Variants in PPM1F observed in about 807,000 individuals in gnomAD.
PPM1F encodes protein phosphatase, Mg2+/Mn2+ dependent 1F.
A neutral mutation model predicts 35.5 loss-of-function variants in PPM1F; 17 were observed. That is an observed-to-expected ratio of 0.48 (90% confidence interval 0.33 to 0.72). The LOEUF is 0.72. Ranked by LOEUF, PPM1F falls within the 30% of genes least tolerant of loss-of-function variation. The pLI, the probability that PPM1F is intolerant of heterozygous loss-of-function variation, is 0.02. For missense variants in PPM1F, 521 were observed against 613.0 expected (o/e 0.85, Z 1.59); for synonymous variants, 241 against 255.5 (o/e 0.94, Z 0.54).
At chr22:21,929,953 C>T (rs2070569403) in intron 6 of PPM1F, among the ~76,000 whole-genome samples, 1 of 152,024 alleles carries the variant, frequency 6.6e-6, no homozygotes, top group Non-Finnish European at 1.5e-5. Flanking sequence ...TGGCAAAAGC[C>T]CATAAACAAA....
intron 6 of PPM1F, among the ~76,000 whole-genome samples, chr22:21,926,982 T>C (rs1045934418): frequency 2.6e-5 from 4 of 152,106 alleles, no homozygotes; most frequent in Admixed American, 2.6e-4. Flanking sequence ...GGGAATGACA[T>C]GGGTTTGCAG....
At chr22:21,942,166 G>A (rs529033511) in intron 2 of PPM1F, 1 of 152,438 alleles carries the variant, frequency 6.6e-6, no homozygotes, top group African/African-American at 2.4e-5. Context: ...ACTGGAAGGC[G>A]AGGACCTTCC....
At chr22:21,933,052 T>C (rs1203113040) in intron 5 of PPM1F, among the ~76,000 whole-genome samples, 2 of 152,218 alleles carry the variant, frequency 1.3e-5, no homozygotes, top group East Asian at 1.9e-4. Flanking sequence ...TAGTAGACTC[T>C]TTGTTAAGGT....
At chr22:21,932,676 C>T (rs889138526) in intron 5 of PPM1F, 3 of 152,168 alleles carry the variant, frequency 2.0e-5, no homozygotes, top group Admixed American at 1.3e-4. Context: ...CATTTGTATT[C>T]TTTCTTCTTT....
chr22:21,937,962 C>A lies in PPM1F; in HGVS notation c.355+1570G>T, dbSNP rs2070678757. On this transcript the variant is annotated intron_variant, in intron 3 of 7. Transcript: ENST00000263212. Reference sequence around the variant, plus strand: ...CAGTGGCAATTCTTATAATACAATCCCCACTCTGACGCAATTTTGTAAGAA... The same window carrying A: ...CAGTGGCAATTCTTATAATACAATCACCACTCTGACGCAATTTTGTAAGAA... 6.2e-6 allele frequency: 4 copies of A among 642,848 alleles called. 1 individual carries two copies. The South Asian group carries it at 7.4e-5, about 12-fold the overall frequency. The allele number at this position is 642,848 out of a possible 1,614,324, so 39.8% of individuals were successfully genotyped here.
At chr22:21,945,761 T>C (rs2070770231) in intron 2 of PPM1F, 82 bp downstream of exon 2, 1 of 1,411,184 alleles carries the variant, frequency 7.1e-7, no homozygotes, top group Admixed American at 1.9e-5. Context: ...GCTGGACGTG[T>C]AGGGGAGCAG....
intron 6 of PPM1F, among the ~76,000 whole-genome samples, chr22:21,930,198 G>A (rs1207585288): frequency 6.6e-6 from 1 of 152,202 alleles, no homozygotes; most frequent in African/African-American, 2.4e-5. Flanking sequence ...CTGACAGGAA[G>A]AATCCTGCAG....
intron 1 of PPM1F, chr22:21,950,347 ATG>A (rs1157424305): frequency 1.3e-5 from 2 of 149,462 alleles, no homozygotes; most frequent in Non-Finnish European, 3.0e-5. Context: ...GCTCTCTTTC[ATG>A]TCTCTATGGC....
intron 2 of PPM1F, chr22:21,943,134 G>A (rs2070742909): frequency 6.6e-6 from 1 of 152,280 alleles, no homozygotes; most frequent in East Asian, 1.9e-4. Flanking sequence ...TGCCTTTTAC[G>A]GTCTGTGAAA....
At chr22:21,943,663 TACTC>T (rs2070748490) in intron 2 of PPM1F, 1 of 152,570 alleles carries the variant, frequency 6.6e-6, no homozygotes, top group Admixed American at 6.5e-5. Flanking sequence ...CTGCACTGCC[TACTC>T]ACTCCTCAGC....
chr22:21,945,911 C>T lies in PPM1F; in HGVS notation c.138G>A (p.Gly46=). 6.2e-7 allele frequency: 1 copy of T among 1,613,026 alleles called. No individual in the cohort carries two copies. The highest frequency in any genetic ancestry group is 8.5e-7 in the Non-Finnish European group (1 of 1,179,692). The change falls in exon 2 of 8, where the codon GGG becomes GGA. Residue 46 remains glycine, a synonymous_variant. Transcript: ENST00000263212. ...PEDPLPWKAP[G]TVLSQEEVEG... is the part of the protein sequence containing the mutation. The stretch of plus-strand genomic sequence containing the variant: ...CCACCTCCTCCTGGCTGAGCACCGT[C>T]CCTGGGGCCTTCCATGGCAGAGGGT...
chr22:21,938,645 GA>G, intron 3 of PPM1F: 1 of 1,005,642 alleles, frequency 9.9e-7, no homozygotes, highest in Non-Finnish European at 1.2e-6. Context: ...GCAAGGAAGG[GA>G]AAATCCACTG....
chr22:21,921,070 C>G lies in PPM1F; in HGVS notation c.*2022G>C, dbSNP rs953832281. The G allele has an allele frequency of 1.3e-5, 2 of 152,496 alleles. No homozygotes were observed. Among genetic ancestry groups the G allele is most frequent in the African/African-American group, 4.8e-5 (2 of 41,424 alleles). The allele number at this position is 152,496 out of a possible 1,614,324, so 9.4% of individuals were successfully genotyped here. On this transcript the variant is annotated 3_prime_UTR_variant, in exon 8 of 8. Transcript: ENST00000263212. ...GAGACCTTAAGCAATGCATTGACTG[C>G]ATGGTCTCAACCTCATCTGTGCTGT... is the stretch of plus-strand genomic sequence containing the variant.
chr22:21,933,911 G>A (rs1434880695), intron 4 of PPM1F, 113 bp downstream of exon 4: 16 of 1,028,354 alleles, frequency 1.6e-5, no homozygotes, highest in East Asian at 7.9e-5. Context: ...AGGGGCTGAC[G>A]GGTGTCTCTC....
chr22:21,952,016 G>C (rs989267332), intron 1 of PPM1F: 1 of 152,266 alleles, frequency 6.6e-6, no homozygotes, highest in Non-Finnish European at 1.5e-5. Flanking sequence ...AACTTGTCCC[G>C]GGGAATGCCA....
chr22:21,940,033 C>T (rs984371077), intron 2 of PPM1F, among the ~76,000 whole-genome samples: 1 of 152,116 alleles, frequency 6.6e-6, no homozygotes, highest in Non-Finnish European at 1.5e-5. Flanking sequence ...AATTGTGTCC[C>T]CCCTAAATTC....
At chr22:21,923,568 A>G in intron 7 of PPM1F, 97 bp from the exon 8 acceptor site, 1 of 1,342,294 alleles carries the variant, frequency 7.4e-7, no homozygotes, top group Admixed American at 2.4e-5. Flanking sequence ...GCAGGGACAG[A>G]GACCAACCTG....
chr22:21,941,747 C>T (rs240065), intron 2 of PPM1F: 29,584 of 152,236 alleles, frequency 0.19, 3,428 homozygotes, highest in African/African-American at 0.31. Context: ...CAGAGCTGAG[C>T]AGTTGAGGAG....
intron 1 of PPM1F, chr22:21,950,932 T>A (rs1343759100): frequency 6.6e-6 from 1 of 152,190 alleles, no homozygotes; most frequent in African/African-American, 2.4e-5. Context: ...GCCAACCTTT[T>A]TCTACCAAAA....
Sources: allele counts gnomAD v4.1 joint callset (sites outside exome capture counted in the v4.1 genomes callset), GRCh38; gene constraint gnomAD v4.1.1; transcripts MANE v1.5; gene names NCBI Gene and HGNC (gene_info 2026-07-23, HGNC 2026-07-21).